Variants in IFT22 observed in about 807,000 individuals in gnomAD.
IFT22 encodes the protein intraflagellar transport 22, also known as intraflagellar transport protein 22 homolog.
Under a neutral mutation model 21.0 loss-of-function variants are expected in IFT22, and 13 were observed. That is an observed-to-expected ratio of 0.62 (90% CI 0.40 to 0.98). The LOEUF is 0.98. Ranked by LOEUF, IFT22 falls within the 50% of genes least tolerant of loss-of-function variation. The pLI is 0.00. For missense variants in IFT22, 227 were observed against 228.9 expected, an observed-to-expected ratio of 0.99 and a Z score of 0.06; for synonymous variants, 67 against 82.4, an observed-to-expected ratio of 0.81 and a Z score of 1.01.
chr7:101,315,653 A>G, intron 4 of IFT22: 1 of 238,322 alleles, frequency 4.2e-6, no homozygotes, highest in Non-Finnish European at 8.1e-6. Flanking sequence ...CCCTAGTTGT[A>G]CCCAAGAATA....
At chr7:101,321,127 G>T (rs1790332922) in intron 1 of IFT22, among the ~76,000 whole-genome samples, 1 of 151,746 alleles carries the variant, frequency 6.6e-6, no homozygotes, top group African/African-American at 2.4e-5. Flanking sequence ...TGGGTGACAG[G>T]GCGAGACTCT....
intron 1 of IFT22, among the ~76,000 whole-genome samples, chr7:101,320,858 A>G (rs893743969): frequency 5.9e-5 from 9 of 151,998 alleles, no homozygotes; most frequent in African/African-American, 1.9e-4. Flanking sequence ...AATAATTAAC[A>G]AATTAAGGCC....
rs945205257 is a variant in IFT22, at chr7:101,314,164, CTT to C, written c.*968_*969del. 2.8e-5 allele frequency: 4 copies of C among 143,720 alleles called. No individual in the cohort carries two copies. The highest frequency in any genetic ancestry group is 4.2e-4 in the East Asian group (2 of 4,814). The allele number at this position is 143,720 out of a possible 1,614,324, so 8.9% of individuals were successfully genotyped here. On this transcript the variant is annotated 3_prime_UTR_variant, in exon 5 of 5. Coordinates refer to ENST00000315322, the MANE Select transcript of IFT22 (RefSeq NM_022777.4). ...GAGCCACCGCTCCTGGGCTAGAACT[CTT>C]TTTTTTTTGAGATGGAGTCTTGCTC...
chr7:101,318,873 C>T, intron 2 of IFT22, 83 bp downstream of exon 2: 1 of 1,104,548 alleles, frequency 9.1e-7, no homozygotes, highest in Non-Finnish European at 1.4e-6. Context: ...CCGCTTTGAC[C>T]TCCCAGAGCA....
intron 1 of IFT22, 140 bp downstream of exon 1, chr7:101,321,531 G>A: frequency 1.3e-6 from 1 of 781,516 alleles, no homozygotes; most frequent in South Asian, 1.8e-5. Context: ...AAAGGGCAGG[G>A]GCGCCAGTCG....
At position 101,310,957 on chromosome 7, in the gene IFT22, G is replaced by T; in HGVS notation, c.*4177C>A. 1 of 311,522 alleles carries T rather than the reference G, an allele frequency of 3.2e-6. No individual in the cohort carries two copies. Among genetic ancestry groups the T allele is most frequent in the Non-Finnish European group, 6.4e-6 (1 of 155,080 alleles). The allele number at this position is 311,522 out of a possible 1,614,324, so 19.3% of individuals were successfully genotyped here. ...TCAAATATTTAATGGGTTGTACTCT[G>T]GCCATTCAGGTGAACAAAATCTGCT... On this transcript the variant is annotated 3_prime_UTR_variant, in exon 5 of 5. Transcript: ENST00000315322.
At chr7:101,319,954 GTTTTA>G (rs990952056) in intron 1 of IFT22, among the ~76,000 whole-genome samples, 2 of 148,148 alleles carry the variant, frequency 1.3e-5, no homozygotes, top group South Asian at 2.2e-4. Flanking sequence ...ACTTCTACAG[GTTTTA>G]TTTTATTTTT....
chr7:101,316,042 A>G (rs927967603), intron 4 of IFT22: 2 of 242,248 alleles, frequency 8.3e-6, no homozygotes, highest in African/African-American at 4.6e-5. Flanking sequence ...CCTGTCACAC[A>G]AACTGGAGTG....
At chr7:101,317,311 G>C (rs2116924813) in intron 3 of IFT22, among the ~76,000 whole-genome samples, 1 of 152,144 alleles carries the variant, frequency 6.6e-6, no homozygotes, top group Non-Finnish European at 1.5e-5. Flanking sequence ...ACCGTACTGG[G>C]CTAAGTTTTG....
chr7:101,321,219 A>G (rs1200515482), intron 1 of IFT22, among the ~76,000 whole-genome samples: 2 of 152,066 alleles, frequency 1.3e-5, no homozygotes, highest in African/African-American at 2.4e-5. Flanking sequence ...GGTACTCAGG[A>G]GGCTGAGGCA....
intron 1 of IFT22, among the ~76,000 whole-genome samples, chr7:101,321,196 G>A (rs1438885473): frequency 6.6e-6 from 1 of 152,066 alleles, no homozygotes; most frequent in African/African-American, 2.4e-5. Flanking sequence ...GGTGGTGCAC[G>A]CCTGTAGTCC....
intron 1 of IFT22, chr7:101,321,317 C>T (rs749111821): frequency 6.9e-6 from 2 of 288,824 alleles, no homozygotes; most frequent in Admixed American, 5.0e-5. Flanking sequence ...CAGCGACAAC[C>T]TGTCTCAAAC....
At position 101,316,321 on chromosome 7, in the gene IFT22, G is replaced by C; in HGVS notation, c.409+19C>G. ...AAACATTCAAGACAAAAGAGGAAGA[G>C]AAATTCCAGTTTCCTTACACAAAGA... On this transcript the variant is annotated intron_variant, in intron 4 of 4. Coordinates refer to ENST00000315322, the MANE Select transcript of IFT22 (RefSeq NM_022777.4). 1 of 1,612,426 alleles carries C rather than the reference G, an allele frequency of 6.2e-7. No individual in the cohort carries two copies. The highest frequency in any genetic ancestry group is 2.2e-5 in the East Asian group (1 of 44,870).
rs776119398 is a variant in IFT22 at position 101,312,530 on chromosome 7, G to GTTTTTTTT, written c.*2603_*2604insAAAAAAAA. ...AAATAAATATAATGTTTTGGAGAGA[G>GTTTTTTTT]TTGTTTTTTTTTTTTTTTTTTTTGT... On this transcript the variant is annotated 3_prime_UTR_variant, in exon 5 of 5. Coordinates refer to ENST00000315322, the MANE Select transcript of IFT22 (RefSeq NM_022777.4). 8.7e-5 allele frequency among the ~76,000 whole-genome samples: 11 copies of GTTTTTTTT among 126,604 alleles called. 2 individuals are homozygous for GTTTTTTTT. Among genetic ancestry groups the GTTTTTTTT allele is most frequent in the African/African-American group, 2.5e-4 (8 of 32,500 alleles). The allele number at this position is 126,604 out of a possible 152,430, so 83.1% of individuals were successfully genotyped here.
At chr7:101,317,509 C>T (rs1790195456) in intron 3 of IFT22, among the ~76,000 whole-genome samples, 2 of 151,812 alleles carry the variant, frequency 1.3e-5, no homozygotes, top group African/African-American at 4.8e-5. Context: ...CTGAGGTGAT[C>T]TGCCTGCCTC....
At position 101,314,983 on chromosome 7, in the gene IFT22, G is replaced by A. The variant is rs1317250166; in HGVS notation, c.*151C>T. 6 of 748,802 alleles carry A rather than the reference G, an allele frequency of 8.0e-6. No homozygotes were observed. Among genetic ancestry groups the A allele is most frequent in the Non-Finnish European group, 1.1e-5 (5 of 471,216 alleles). The allele number at this position is 748,802 out of a possible 1,614,324, so 46.4% of individuals were successfully genotyped here. On this transcript the variant is annotated 3_prime_UTR_variant, in exon 5 of 5. Transcript: ENST00000315322. ...CAGAGCACAGATGGTCTGAGTGAACGCCCTGTGTGACAGGTGCCTTCCTGC... is the reference window on the plus strand; with the variant it reads ...CAGAGCACAGATGGTCTGAGTGAACACCCTGTGTGACAGGTGCCTTCCTGC...
At position 101,315,108 on chromosome 7, in the gene IFT22, A is replaced by C. The variant is rs373822049; in HGVS notation, c.*26T>G. On this transcript the variant is annotated 3_prime_UTR_variant, in exon 5 of 5. Transcript: ENST00000315322. ...GAGAAACATGCTGATTTCACTGGGG[A>C]TGTGGCAGTCCCAGGTGAAGGCTGG... is the stretch of plus-strand genomic sequence containing the variant. The C allele has an allele frequency of 5.0e-5, 81 of 1,605,914 alleles. No homozygotes were observed. Among genetic ancestry groups the C allele is most frequent in the East Asian group, 9.0e-5 (4 of 44,678 alleles).
At chr7:101,319,162 G>A in intron 1 of IFT22, 130 bp from the exon 2 acceptor site, 1 of 797,666 alleles carries the variant, frequency 1.3e-6, no homozygotes, top group Non-Finnish European at 2.1e-6. Flanking sequence ...GATCACTGGG[G>A]TGGTTACGAC....
At chr7:101,318,655 G>C in intron 2 of IFT22, 1 of 314,740 alleles carries the variant, frequency 3.2e-6, no homozygotes. Flanking sequence ...ATTTTGTTTT[G>C]AGACAGGGTC....
Sources: gnomAD v4.1 joint callset for allele counts (sites outside exome capture counted in the v4.1 genomes callset) on GRCh38, gnomAD v4.1.1 for gene constraint, MANE v1.5 for transcripts, NCBI Gene and HGNC (gene_info 2026-07-23, HGNC 2026-07-21) for gene names.